FOXP1: variants seen among roughly 807,000 people sequenced by gnomAD.
FOXP1 encodes the protein forkhead box P1.
Under a neutral mutation model 98.2 loss-of-function variants are expected in FOXP1, and 15 were observed. The ratio of observed to expected loss-of-function variants is 0.15; its 90% confidence interval spans 0.10 to 0.24. The LOEUF (loss-of-function observed/expected upper bound fraction) is 0.24, where lower values mean the gene tolerates loss of function less well. FOXP1 is among the 10% of genes least tolerant of loss of function. The pLI is 1.00. For synonymous variants in FOXP1, 371 were observed against 314.5 expected, an observed-to-expected ratio of 1.18 and a Z score of -1.90; for missense variants, 633 against 848.5, an observed-to-expected ratio of 0.75 and a Z score of 3.15.
chr3:71,499,677 G>A (rs913956751), intron 2 of FOXP1, among the ~76,000 whole-genome samples: 4 of 152,230 alleles, frequency 2.6e-5, no homozygotes, highest in South Asian at 2.1e-4. Flanking sequence ...GCATTTGTGA[G>A]AGCTTCAATC....
intron 6 of FOXP1, among the ~76,000 whole-genome samples, chr3:71,181,406 C>T (rs919719063): frequency 2.0e-5 from 3 of 152,138 alleles, no homozygotes; most frequent in Non-Finnish European, 4.4e-5. Context: ...TCACATCGAC[C>T]CTCTCAGGAA....
chr3:71,447,219 C>T (rs1034847458), intron 3 of FOXP1, among the ~76,000 whole-genome samples: 1 of 152,204 alleles, frequency 6.6e-6, no homozygotes, highest in Non-Finnish European at 1.5e-5. Flanking sequence ...CTGAATACCT[C>T]TGTCTACACC....
chr3:70,982,109 G>C (rs1043290326), intron 14 of FOXP1, among the ~76,000 whole-genome samples: 9 of 152,144 alleles, frequency 5.9e-5, no homozygotes, highest in African/African-American at 2.2e-4. Flanking sequence ...CTCAAAGCAG[G>C]CTCTGTGTTC....
chr3:71,479,709 G>GA (rs1011363367), intron 3 of FOXP1, among the ~76,000 whole-genome samples: 46 of 145,908 alleles, frequency 3.2e-4, no homozygotes, highest in Middle Eastern at 3.5e-3. Context: ...GAAAAGAAAA[G>GA]AAAAAAAAAG....
At position 71,544,053 on chromosome 3, in the gene FOXP1, A is replaced by T. The variant is rs565313907; in HGVS notation, c.-298+37496T>A. Among the ~76,000 whole-genome samples the T allele has an allele frequency of 3.2e-4, 48 of 152,016 alleles. No homozygotes were observed. The East Asian group carries it at 8.1e-3, about 26-fold the overall frequency. ...CACATATACACACATATATGTGTGT[A>T]TACACATACATATACACACATATAT... On this transcript the variant is annotated intron_variant, in intron 2 of 20. Transcript: ENST00000649528.
intron 5 of FOXP1, among the ~76,000 whole-genome samples, chr3:71,240,817 T>A (rs2067212785): frequency 6.6e-6 from 1 of 151,510 alleles, no homozygotes; most frequent in Non-Finnish European, 1.5e-5. Flanking sequence ...AGTACTGGGA[T>A]TACAGGCGTG....
chr3:70,961,959 A>G (rs148302797), intron 20 of FOXP1, among the ~76,000 whole-genome samples: 202 of 152,262 alleles, frequency 1.3e-3, no homozygotes, highest in African/African-American at 4.8e-3. Flanking sequence ...ATGAGATCCT[A>G]TGTGACTGCA....
At chr3:71,516,163 T>G (rs1286017207) in intron 2 of FOXP1, among the ~76,000 whole-genome samples, 1 of 152,206 alleles carries the variant, frequency 6.6e-6, no homozygotes, top group Non-Finnish European at 1.5e-5. Flanking sequence ...GCTTGATTAA[T>G]GTACTGCAGT....
chr3:71,068,918 C>A (rs1193525903), intron 7 of FOXP1, among the ~76,000 whole-genome samples: 8 of 152,190 alleles, frequency 5.3e-5, no homozygotes, highest in African/African-American at 1.9e-4. Flanking sequence ...AACAGCAATG[C>A]CCCATTCCTG....
intron 3 of FOXP1, among the ~76,000 whole-genome samples, chr3:71,439,818 C>T (rs753402316): frequency 7.9e-5 from 12 of 151,888 alleles, no homozygotes; most frequent in Non-Finnish European, 1.3e-4. Flanking sequence ...TGGTGGTGCA[C>T]GCCTGTAATC....
intron 3 of FOXP1, among the ~76,000 whole-genome samples, chr3:71,370,610 T>C (rs140340215): frequency 2.5e-4 from 38 of 152,292 alleles, no homozygotes; most frequent in African/African-American, 7.2e-4. Flanking sequence ...TAGCCCTTTA[T>C]TGTGTCTGTC....
chr3:70,959,121 C>G lies in FOXP1; in HGVS notation c.*126G>C, dbSNP rs2106849321. On this transcript the variant is annotated 3_prime_UTR_variant, in exon 21 of 21. Transcript: ENST00000649528. ...AAGAGTTAACACATTTCAGAGTTGT[C>G]AAAACGTAGTGAAAATCCTCCAGAC... The G allele has an allele frequency of 9.0e-7, 1 of 1,114,820 alleles. No homozygotes were observed. Among genetic ancestry groups the G allele is most frequent in the Non-Finnish European group, 1.3e-6 (1 of 748,446 alleles). The allele number at this position is 1,114,820 out of a possible 1,614,324, so 69.1% of individuals were successfully genotyped here.
chr3:71,270,774 T>C (rs1234533588), intron 5 of FOXP1, among the ~76,000 whole-genome samples: 16 of 152,216 alleles, frequency 1.1e-4, no homozygotes, highest in Non-Finnish European at 2.2e-4. Context: ...CCAATAAATT[T>C]TTCTGGTTTG....
At chr3:71,315,079 T>TAAAAAAAAA (rs11355298) in intron 4 of FOXP1, among the ~76,000 whole-genome samples, 36 of 70,668 alleles carry the variant, frequency 5.1e-4, no homozygotes, top group East Asian at 2.0e-3. Flanking sequence ...CTGGTCCATG[T>TAAAAAAAAA]AAAAAAAAAA....
intron 13 of FOXP1, among the ~76,000 whole-genome samples, chr3:70,988,692 T>C (rs2040143882): frequency 6.6e-6 from 1 of 152,212 alleles, no homozygotes; most frequent in Middle Eastern, 3.2e-3. Flanking sequence ...CTCCTTATTC[T>C]ATAAAAAAAG....
intron 6 of FOXP1, among the ~76,000 whole-genome samples, chr3:71,155,896 A>G (rs1289250659): frequency 2.6e-5 from 4 of 152,246 alleles, no homozygotes; most frequent in Admixed American, 6.5e-5. Flanking sequence ...CAGTGCAGGT[A>G]AACATGAAGC....
intron 3 of FOXP1, among the ~76,000 whole-genome samples, chr3:71,467,109 T>C (rs993287273): frequency 3.9e-5 from 6 of 152,208 alleles, no homozygotes; most frequent in Non-Finnish European, 7.3e-5. Context: ...AACATTATTA[T>C]ATGTGTGTGT....
At chr3:71,132,408 A>T (rs1281040286) in intron 6 of FOXP1, among the ~76,000 whole-genome samples, 1 of 152,234 alleles carries the variant, frequency 6.6e-6, no homozygotes, top group Non-Finnish European at 1.5e-5. Context: ...TAAAGGAATT[A>T]TCACAACTTT....
chr3:71,123,994 G>A (rs1486714320), intron 6 of FOXP1, among the ~76,000 whole-genome samples: 2 of 152,080 alleles, frequency 1.3e-5, no homozygotes, highest in African/African-American at 2.4e-5. Context: ...CAGGGAGGGC[G>A]ACAAGGGTGA....
Sources: allele counts gnomAD v4.1 joint callset (sites outside exome capture counted in the v4.1 genomes callset), GRCh38; gene constraint gnomAD v4.1.1; transcripts MANE v1.5; gene names NCBI Gene and HGNC (gene_info 2026-07-23, HGNC 2026-07-21).